Variants in FRY observed in about 807,000 individuals in gnomAD.
FRY encodes protein furry homolog.
FRY carries 128 observed loss-of-function variants against 348.4 expected under a neutral mutation model. That is an observed-to-expected ratio of 0.37 (90% CI 0.32 to 0.43). FRY has a LOEUF of 0.43. FRY is among the 20% of genes least tolerant of loss of function. The probability of loss-of-function intolerance (pLI) is 1.00; values close to 1 mark genes in which losing one functional copy is unlikely to be tolerated. For synonymous variants in FRY, 1,370 were observed against 1,374.7 expected (o/e 1.00, Z 0.08); for missense variants, 2,736 against 3,695.2 (o/e 0.74, Z 6.73).
rs1184492286 is a variant in FRY, at chr13:32,252,221, T to C, written c.7245+269T>C. On this transcript the variant is annotated intron_variant, in intron 50 of 60. Coordinates refer to ENST00000542859, the MANE Select transcript of FRY (RefSeq NM_023037.3). ...ATTTTTTTAATTTATTGGATTTTTT[T>C]TTTATAAATATGCCCAGAATGTCTT... 2.0e-5 allele frequency among the ~76,000 whole-genome samples: 3 copies of C among 152,188 alleles called. No homozygotes were observed. The East Asian group carries it at 5.8e-4, about 29-fold the overall frequency.
chr13:32,080,426 A>G (rs1766125457), intron 2 of FRY, among the ~76,000 whole-genome samples: 1 of 152,230 alleles, frequency 6.6e-6, no homozygotes, highest in Non-Finnish European at 1.5e-5. Context: ...GAAAGTTGGC[A>G]CAGAGAAAGT....
Position 32,136,977 on chromosome 13 carries a change from G to A in FRY, c.1179+5G>A. 6.8e-7 allele frequency: 1 copy of A among 1,478,322 alleles called. No individual in the cohort carries two copies. The highest frequency in any genetic ancestry group is 9.5e-7 in the Non-Finnish European group (1 of 1,055,736). 91.6% of individuals were successfully genotyped at this position (1,478,322 alleles called of 1,614,324 possible). A position where few individuals can be genotyped will look rare whatever the true frequency, so the allele number is the denominator to read the frequency against. On this transcript the variant is annotated splice_donor_5th_base_variant and intron_variant, in intron 11 of 60. Coordinates refer to ENST00000542859, the MANE Select transcript of FRY (RefSeq NM_023037.3). ...AACTGCTTGTCCAACCTTAAAGTTA[G>A]TATTTGTCAGCTCAAAAACGATCTC...
intron 1 of FRY, among the ~76,000 whole-genome samples, chr13:32,076,602 C>A (rs760836739): frequency 3.9e-4 from 60 of 152,316 alleles, no homozygotes; most frequent in Non-Finnish European, 6.0e-4. Context: ...ATCACAACTA[C>A]TGCATCCTTT....
At chr13:32,208,348 A>G (rs890324766) in intron 31 of FRY, among the ~76,000 whole-genome samples, 11 of 152,276 alleles carry the variant, frequency 7.2e-5, no homozygotes, top group Non-Finnish European at 1.5e-4. Flanking sequence ...CTGATGGATG[A>G]TAGGCACTGT....
chr13:32,274,406 A>G (rs1338698828), intron 55 of FRY, among the ~76,000 whole-genome samples: 1 of 152,114 alleles, frequency 6.6e-6, no homozygotes, highest in East Asian at 1.9e-4. Context: ...TACAATTTTT[A>G]TGTCAAGTAA....
intron 2 of FRY, among the ~76,000 whole-genome samples, chr13:32,081,612 A>G (rs773743162): frequency 2.0e-4 from 31 of 152,252 alleles, no homozygotes; most frequent in Non-Finnish European, 1.8e-4. Context: ...GGCGTGAGCC[A>G]CTACCTCTGG....
intron 2 of FRY, among the ~76,000 whole-genome samples, chr13:32,101,194 G>A (rs773592360): frequency 1.4e-3 from 206 of 152,122 alleles, no homozygotes; most frequent in Middle Eastern, 3.4e-3. Context: ...TTGATTTCAG[G>A]TTTATGTGAG....
At chr13:32,244,419 T>G (rs1302773507) in intron 47 of FRY, among the ~76,000 whole-genome samples, 1 of 152,156 alleles carries the variant, frequency 6.6e-6, no homozygotes, top group Non-Finnish European at 1.5e-5. Flanking sequence ...CATTTCCGCC[T>G]CTTGGGGCCA....
Position 32,057,988 on chromosome 13 carries a change from G to A in FRY, c.71-20846G>A, listed in dbSNP as rs1372156968. On this transcript the variant is annotated intron_variant, in intron 1 of 60. Transcript: ENST00000542859. ...AAAAAATAAATAAATAAAATTTACCGTCTTGCCATCAGGCCACACAGAAGC... is the reference window on the plus strand; with the variant it reads ...AAAAAATAAATAAATAAAATTTACCATCTTGCCATCAGGCCACACAGAAGC... Among the ~76,000 whole-genome samples the A allele has an allele frequency of 5.9e-5, 9 of 152,122 alleles. No homozygotes were observed. In the East Asian group the frequency reaches 7.7e-4, roughly 13 times the overall value.
chr13:32,163,709 G>C (rs1261704853), intron 17 of FRY, among the ~76,000 whole-genome samples: 1 of 152,080 alleles, frequency 6.6e-6, no homozygotes, highest in African/African-American at 2.4e-5. Context: ...CCTACCTCTG[G>C]AATCACCTTG....
At chr13:32,087,298 A>G (rs533186573) in intron 2 of FRY, among the ~76,000 whole-genome samples, 1 of 152,228 alleles carries the variant, frequency 6.6e-6, no homozygotes, top group African/African-American at 2.4e-5. Context: ...ACTGCTTGCT[A>G]GTGTTGTTCC....
At chr13:32,154,210 G>T (rs1026122908) in intron 14 of FRY, among the ~76,000 whole-genome samples, 1 of 152,038 alleles carries the variant, frequency 6.6e-6, no homozygotes, top group Non-Finnish European at 1.5e-5. Context: ...TCTCATAAAA[G>T]AACTATCAAA....
chr13:32,265,825 A>T (rs1887897909), intron 54 of FRY, among the ~76,000 whole-genome samples: 1 of 152,208 alleles, frequency 6.6e-6, no homozygotes, highest in Admixed American at 6.5e-5. Context: ...GAACACTTAC[A>T]TATGAATTCA....
At chr13:32,140,349 A>G (rs931369377) in intron 11 of FRY, among the ~76,000 whole-genome samples, 1 of 152,232 alleles carries the variant, frequency 6.6e-6, no homozygotes, top group Non-Finnish European at 1.5e-5. Flanking sequence ...GATTCAGTTT[A>G]GTTTCAAAGT....
intron 51 of FRY, among the ~76,000 whole-genome samples, chr13:32,258,890 T>C (rs745708435): frequency 1.3e-5 from 2 of 152,130 alleles, no homozygotes; most frequent in Non-Finnish European, 2.9e-5. Context: ...AGTAGAACAT[T>C]TGGGGGAGTA....
chr13:32,212,211 C>A, intron 34 of FRY, 81 bp from the exon 35 acceptor site: 1 of 776,714 alleles, frequency 1.3e-6, no homozygotes, highest in Non-Finnish European at 2.3e-6. Context: ...GGAAATCTTT[C>A]CCTGGAATTA....
At chr13:32,258,652 T>G (rs1264707799) in intron 51 of FRY, among the ~76,000 whole-genome samples, 1 of 151,938 alleles carries the variant, frequency 6.6e-6, no homozygotes, top group Non-Finnish European at 1.5e-5. Flanking sequence ...TGCATCTAAC[T>G]ATATACCATA....
Position 32,238,006 on chromosome 13 carries a change from C to T in FRY, c.6418+20C>T. ...CTATTGGTAAAGCCAGCCTCGTTCA[C>T]CCTGTCTCAATTCTGATGGTGACTG... On this transcript the variant is annotated intron_variant, in intron 44 of 60. Transcript: ENST00000542859. The T allele has an allele frequency of 6.2e-7, 1 of 1,611,540 alleles. No individual in the cohort carries two copies. The highest frequency in any genetic ancestry group is 1.1e-5 in the South Asian group (1 of 91,058).
At chr13:32,215,435 A>G (rs1183148129) in intron 35 of FRY, among the ~76,000 whole-genome samples, 1 of 152,210 alleles carries the variant, frequency 6.6e-6, no homozygotes, top group Non-Finnish European at 1.5e-5. Flanking sequence ...TTTAAAAACT[A>G]TCAGAAAATG....
Sources: gnomAD v4.1 joint callset for allele counts (sites outside exome capture counted in the v4.1 genomes callset) on GRCh38, gnomAD v4.1.1 for gene constraint, MANE v1.5 for transcripts, NCBI Gene and HGNC (gene_info 2026-07-23, HGNC 2026-07-21) for gene names.